RARB: variants seen among roughly 807,000 people sequenced by gnomAD.
RARB encodes the protein HBV-activated protein.
Under a neutral mutation model 51.9 loss-of-function variants are expected in RARB, and 17 were observed. The ratio of observed to expected loss-of-function variants is 0.33; its 90% CI spans 0.22 to 0.49. RARB has a LOEUF of 0.49. RARB is among the 20% of genes least tolerant of loss of function. The pLI is 0.99. For missense variants in RARB, 369 were observed against 550.8 expected (o/e 0.67, Z 3.30); for synonymous variants, 215 against 195.4 (o/e 1.10, Z -0.84).
At chr3:25,579,982 T>C (rs928162043) in intron 4 of RARB, among the ~76,000 whole-genome samples, 6 of 152,238 alleles carry the variant, frequency 3.9e-5, no homozygotes, top group Admixed American at 3.9e-4. Context: ...TCCTCATTCC[T>C]TTCTTGTTTG....
chr3:25,255,634 A>G (rs996331368), intron 5 of RARB, among the ~76,000 whole-genome samples: 2 of 151,326 alleles, frequency 1.3e-5, no homozygotes, highest in Admixed American at 1.3e-4. Flanking sequence ...CTGATAATAT[A>G]GGTGAAAAAC....
At chr3:25,404,092 C>T (rs1225999790) in intron 5 of RARB, among the ~76,000 whole-genome samples, 2 of 152,080 alleles carry the variant, frequency 1.3e-5, no homozygotes, top group African/African-American at 2.4e-5. Context: ...ATTGCTCATG[C>T]TTCAACTGCT....
chr3:24,906,583 C>CT (rs1250706872), intron 2 of RARB, among the ~76,000 whole-genome samples: 20 of 152,106 alleles, frequency 1.3e-4, no homozygotes, highest in Non-Finnish European at 2.9e-4. Context: ...TGACTCATGC[C>CT]TGTAATCCCA....
intron 5 of RARB, among the ~76,000 whole-genome samples, chr3:25,253,300 C>G (rs1458851815): frequency 6.6e-6 from 1 of 152,022 alleles, no homozygotes; most frequent in African/African-American, 2.4e-5. Flanking sequence ...CCGTATTTTG[C>G]CTATCTTAAA....
At chr3:24,935,848 C>T (rs998258716) in intron 2 of RARB, among the ~76,000 whole-genome samples, 12 of 152,120 alleles carry the variant, frequency 7.9e-5, no homozygotes, top group Non-Finnish European at 1.3e-4. Flanking sequence ...TATTGCAGGC[C>T]TGTTGGCAGA....
At chr3:25,337,759 G>C (rs1705106915) in intron 5 of RARB, among the ~76,000 whole-genome samples, 1 of 151,920 alleles carries the variant, frequency 6.6e-6, no homozygotes, top group African/African-American at 2.4e-5. Context: ...ACTATTACCT[G>C]AAATTATAAA....
intron 5 of RARB, among the ~76,000 whole-genome samples, chr3:25,181,784 C>T (rs1700866551): frequency 1.3e-5 from 2 of 152,152 alleles, no homozygotes; most frequent in South Asian, 2.1e-4. Flanking sequence ...GTAGGTTGAT[C>T]TTTGTTCTGT....
At chr3:25,026,061 G>A (rs1285606970) in intron 2 of RARB, among the ~76,000 whole-genome samples, 1 of 152,114 alleles carries the variant, frequency 6.6e-6, no homozygotes, top group Non-Finnish European at 1.5e-5. Context: ...AGTACAAAGT[G>A]ATTTTTAAGT....
At position 25,461,360 on chromosome 3, in the gene RARB, G is replaced by A. The variant is rs77748152; in HGVS notation, c.306+19G>A. On this transcript the variant is annotated intron_variant, in intron 2 of 7. Transcript: ENST00000330688. ...ATGTAAGGTGAGTATTCACACTTCTGTGCCTGATGAACTCTCATTCTCCAT... is the reference window on the plus strand; with the variant it reads ...ATGTAAGGTGAGTATTCACACTTCTATGCCTGATGAACTCTCATTCTCCAT... 0.045 allele frequency: 72,272 copies of A among 1,610,062 alleles called. 2,676 individuals carry two copies. The highest frequency in any genetic ancestry group is 0.16 in the Admixed American group (9,432 of 59,378).
At chr3:24,864,026 C>T (rs1702804195) in intron 2 of RARB, among the ~76,000 whole-genome samples, 1 of 152,138 alleles carries the variant, frequency 6.6e-6, no homozygotes, top group African/African-American at 2.4e-5. Flanking sequence ...TCTGTCTCTG[C>T]CCATGAATGT....
chr3:25,163,504 A>AAAAAATATATATATATATATATATATAT (rs1303712411), intron 4 of RARB, among the ~76,000 whole-genome samples: 1 of 131,090 alleles, frequency 7.6e-6, no homozygotes, highest in African/African-American at 3.2e-5. Context: ...CCTATCTCAA[A>AAAAAATATATATATATATATATATATAT]ATATATATAT....
At chr3:24,868,889 A>G (rs1217890156) in intron 2 of RARB, among the ~76,000 whole-genome samples, 2 of 152,030 alleles carry the variant, frequency 1.3e-5, no homozygotes, top group Non-Finnish European at 2.9e-5. Context: ...ACCAATGTAC[A>G]CTTTATATGT....
rs71057692 is a variant in RARB, at chr3:24,958,255, G to GTTTTTT, written c.-380+99532_-380+99537dup. 9.5e-4 allele frequency among the ~76,000 whole-genome samples: 66 copies of GTTTTTT among 69,454 alleles called. 5 individuals are homozygous for GTTTTTT. The highest frequency in any genetic ancestry group is 8.3e-3 in the East Asian group (16 of 1,926). The allele number at this position is 69,454 out of a possible 152,430, so 45.6% of individuals were successfully genotyped here. A position where few individuals can be genotyped will look rare whatever the true frequency, so the allele number is the denominator to read the frequency against. ...ACCTGAAGCTTCCTGAGCTGCTCAG[G>GTTTTTT]TTTTTTTTTTTTTTTTTTTTTTTTT... is the stretch of plus-strand genomic sequence containing the variant. On this transcript the variant is annotated intron_variant, in intron 2 of 11. Transcript: ENST00000383772.
At chr3:25,224,355 A>G (rs576455042) in intron 5 of RARB, among the ~76,000 whole-genome samples, 1 of 152,316 alleles carries the variant, frequency 6.6e-6, no homozygotes, top group African/African-American at 2.4e-5. Context: ...AAAATAACTT[A>G]TAAGGTGCCA....
Position 24,964,131 on chromosome 3 carries a change from C to T in RARB, c.-379-95994C>T, listed in dbSNP as rs574970248. 7.2e-5 allele frequency among the ~76,000 whole-genome samples: 11 copies of T among 151,886 alleles called. No individual in the cohort carries two copies. The East Asian group carries it at 2.1e-3, about 30-fold the overall frequency. ...TACTGAACTACAAAATGTTGATTTC[C>T]ACCCCCCCACCCCACATACTGTATA... On this transcript the variant is annotated intron_variant, in intron 2 of 11. Transcript: ENST00000383772.
chr3:25,021,797 A>G (rs1482997233), intron 2 of RARB, among the ~76,000 whole-genome samples: 6 of 152,290 alleles, frequency 3.9e-5, no homozygotes, highest in Admixed American at 3.3e-4. Flanking sequence ...ACAAGTCACT[A>G]TCTCACTCAG....
At chr3:25,216,347 A>G (rs917453344) in intron 5 of RARB, among the ~76,000 whole-genome samples, 1 of 152,198 alleles carries the variant, frequency 6.6e-6, no homozygotes, top group Admixed American at 6.5e-5. Context: ...AAAAATATTT[A>G]TTGATAGACT....
intron 2 of RARB, among the ~76,000 whole-genome samples, chr3:24,906,566 G>A (rs563798100): frequency 2.6e-4 from 39 of 152,124 alleles, no homozygotes; most frequent in Admixed American, 5.2e-4. Context: ...ACGCTGGCTG[G>A]GAGTGGTGAC....
At chr3:25,381,570 T>C (rs1278388976) in intron 5 of RARB, among the ~76,000 whole-genome samples, 1 of 152,238 alleles carries the variant, frequency 6.6e-6, no homozygotes, top group Non-Finnish European at 1.5e-5. Flanking sequence ...TTAGCTGTTA[T>C]CATTTGCTTT....
Sources: allele counts gnomAD v4.1 joint callset (sites outside exome capture counted in the v4.1 genomes callset), GRCh38; gene constraint gnomAD v4.1.1; transcripts MANE v1.5; gene names NCBI Gene and HGNC (gene_info 2026-07-23, HGNC 2026-07-21).